Variants in PPP1R13B observed in about 807,000 individuals in gnomAD.
PPP1R13B encodes protein phosphatase 1 regulatory subunit 13B.
In PPP1R13B, 44 loss-of-function variants were observed where a neutral mutation model predicts 119.8. The observed-to-expected ratio is 0.37, with a 90% confidence interval of 0.29 to 0.47. PPP1R13B has a LOEUF of 0.47. PPP1R13B is among the 20% of genes least tolerant of loss of function. PPP1R13B has a pLI of 0.99. For synonymous variants in PPP1R13B, 542 were observed against 561.5 expected, an observed-to-expected ratio of 0.97 and a Z score of 0.49; for missense variants, 1,227 against 1,413.5, an observed-to-expected ratio of 0.87 and a Z score of 2.12.
intron 2 of PPP1R13B, among the ~76,000 whole-genome samples, chr14:103,795,226 C>T (rs1165586398): frequency 6.6e-6 from 1 of 152,184 alleles, no homozygotes; most frequent in Non-Finnish European, 1.5e-5. Flanking sequence ...GCAAGAGCCA[C>T]CGTGCCCGAC....
At chr14:103,739,603 G>C (rs2084200390) in intron 12 of PPP1R13B, among the ~76,000 whole-genome samples, 1 of 152,232 alleles carries the variant, frequency 6.6e-6, no homozygotes, top group Non-Finnish European at 1.5e-5. Flanking sequence ...GTCTGGGAAA[G>C]GCTTGGCCAC....
chr14:103,749,744 T>C (rs772043161), intron 8 of PPP1R13B, 50 bp downstream of exon 8: 13 of 1,580,666 alleles, frequency 8.2e-6, no homozygotes, highest in Non-Finnish European at 8.6e-7. Context: ...TGGGCAATGC[T>C]TGGATAAACT....
intron 2 of PPP1R13B, among the ~76,000 whole-genome samples, chr14:103,797,008 G>A (rs2085774310): frequency 7.1e-6 from 1 of 140,942 alleles, no homozygotes; most frequent in South Asian, 2.2e-4. Context: ...GTTCATAGGA[G>A]CATTATTCAT....
chr14:103,754,208 G>A lies in PPP1R13B; in HGVS notation c.493C>T (p.Arg165Cys), dbSNP rs776014974. 26 of 1,613,532 alleles carry A rather than the reference G, an allele frequency of 1.6e-5. No homozygotes were observed. The highest frequency in any genetic ancestry group is 4.4e-5 in the South Asian group (4 of 90,998). The stretch of plus-strand genomic sequence containing the variant: ...TTTTCAGAAATAGACTGCTGCTGAC[G>A]GCGCTCCTGTTGCTTTAGAAAATGT... ...RLHFLKQQER[R>C]QQQSISENEK... The change falls in exon 6 of 17, where the codon CGT becomes TGT. Residue 165 changes from arginine to cysteine, a missense_variant. By Grantham distance (180) the Arg-to-Cys change is radical (BLOSUM62 -3). Coordinates refer to ENST00000202556, the MANE Select transcript of PPP1R13B (RefSeq NM_015316.3).
chr14:103,777,811 A>C (rs2085242190), intron 4 of PPP1R13B, among the ~76,000 whole-genome samples: 1 of 151,682 alleles, frequency 6.6e-6, no homozygotes, highest in Non-Finnish European at 1.5e-5. Flanking sequence ...AAAAAAAAAA[A>C]AAAAACAGGG....
chr14:103,847,167 C>T (rs1299349489), intron 1 of PPP1R13B, 132 bp downstream of exon 1: 1 of 997,450 alleles, frequency 1.0e-6, no homozygotes, highest in Non-Finnish European at 1.2e-6. Context: ...CGGGCGCGCC[C>T]GCCCAGCCAC....
intron 1 of PPP1R13B, among the ~76,000 whole-genome samples, chr14:103,823,294 G>A (rs575147452): frequency 5.9e-5 from 9 of 151,364 alleles, no homozygotes; most frequent in South Asian, 2.1e-4. Flanking sequence ...AGCTGAGATC[G>A]CGCCACTGCA....
intron 2 of PPP1R13B, among the ~76,000 whole-genome samples, chr14:103,788,247 C>T (rs2085519221): frequency 6.6e-6 from 1 of 152,138 alleles, no homozygotes; most frequent in Admixed American, 6.6e-5. Context: ...ATTTCTTAAA[C>T]TTCCCTAGCT....
intron 16 of PPP1R13B, 59 bp downstream of exon 16, chr14:103,735,944 C>A (rs2084097803): frequency 1.3e-6 from 2 of 1,567,696 alleles, no homozygotes; most frequent in East Asian, 2.3e-5. Context: ...CAGGATAGGA[C>A]CGCATGCTGT....
Position 103,740,100 on chromosome 14 carries a change from G to C in PPP1R13B, c.2316C>G (p.Leu772=). Reference sequence around the variant, plus strand: ...GTGGGGCTGTGGGCTGGGCAGGGGGGAGCTCTTCCAGGTTTCCATTGGCAT... The same window carrying C: ...GTGGGGCTGTGGGCTGGGCAGGGGGCAGCTCTTCCAGGTTTCCATTGGCAT... ...NTNANGNLEE[L]PPAQPTAPLP... The change falls in exon 12 of 17, where the codon CTC becomes CTG. Residue 772 remains leucine, a synonymous_variant. Transcript: ENST00000202556. The surrounding 1 kb of genome is among the most constrained non-coding windows in gnomAD (Gnocchi z 4.6). 1 of 1,613,730 alleles carries C rather than the reference G, an allele frequency of 6.2e-7. No homozygotes were observed. The highest frequency in any genetic ancestry group is 1.1e-5 in the South Asian group (1 of 91,078).
At chr14:103,814,966 GA>G (rs887468529) in intron 1 of PPP1R13B, among the ~76,000 whole-genome samples, 7 of 151,304 alleles carry the variant, frequency 4.6e-5, no homozygotes, top group Admixed American at 2.6e-4. Flanking sequence ...CAAAAGGAAA[GA>G]AAAAAAATAG....
chr14:103,801,888 T>C (rs1034313382), intron 1 of PPP1R13B, among the ~76,000 whole-genome samples: 2 of 152,164 alleles, frequency 1.3e-5, no homozygotes, highest in African/African-American at 4.8e-5. Context: ...CCTGAGCACA[T>C]TTCTATTTTA....
At chr14:103,838,565 T>C (rs754967043) in intron 1 of PPP1R13B, among the ~76,000 whole-genome samples, 2 of 152,182 alleles carry the variant, frequency 1.3e-5, no homozygotes, top group African/African-American at 4.8e-5. Flanking sequence ...ACTGTACACA[T>C]TAAAAGGTGA....
Position 103,831,516 on chromosome 14 carries a change from GGC to G in PPP1R13B, c.9+15781_9+15782del, listed in dbSNP as rs538255194. On this transcript the variant is annotated intron_variant, in intron 1 of 16. Coordinates refer to ENST00000202556, the MANE Select transcript of PPP1R13B (RefSeq NM_015316.3). Reference sequence around the variant, plus strand: ...AGTACCGAGAGGGTTTCCCCATGTTGGCCAGGCTAGTCTCTAACTCCTGACCT... The same window carrying G: ...AGTACCGAGAGGGTTTCCCCATGTTGCAGGCTAGTCTCTAACTCCTGACCT... Among the ~76,000 whole-genome samples, 46 of 150,172 alleles carry G rather than the reference GGC, an allele frequency of 3.1e-4. No individual in the cohort carries two copies. The South Asian group carries it at 9.4e-3, about 31-fold the overall frequency.
intron 1 of PPP1R13B, among the ~76,000 whole-genome samples, chr14:103,844,819 A>C (rs1024598389): frequency 6.6e-6 from 1 of 152,230 alleles, no homozygotes; most frequent in Non-Finnish European, 1.5e-5. Context: ...TATGTTGTCC[A>C]ATATGGTAGT....
At chr14:103,802,147 T>A (rs796992343) in intron 1 of PPP1R13B, among the ~76,000 whole-genome samples, 1 of 152,244 alleles carries the variant, frequency 6.6e-6, no homozygotes, top group African/African-American at 2.4e-5. Context: ...GTTGTAATGG[T>A]AAATATTTTC....
At chr14:103,788,020 G>A (rs990023997) in intron 2 of PPP1R13B, among the ~76,000 whole-genome samples, 1 of 151,978 alleles carries the variant, frequency 6.6e-6, no homozygotes, top group African/African-American at 2.4e-5. Flanking sequence ...GGCTGAGGCA[G>A]GAGGATTGCT....
chr14:103,797,310 A>G lies in PPP1R13B; in HGVS notation c.157+61T>C. The G allele has an allele frequency of 2.5e-5, 37 of 1,481,610 alleles. 1 individual carries two copies. The South Asian group carries it at 5.1e-4, about 21-fold the overall frequency. 91.8% of individuals were successfully genotyped at this position (1,481,610 alleles called of 1,614,324 possible). A position where few individuals can be genotyped will look rare whatever the true frequency, so the allele number is the denominator to read the frequency against. ...AAAAAAGCAAATCCAGCACAAGCTT[A>G]GCTAAAAGATGGTGATTTGATTTTA... On this transcript the variant is annotated intron_variant, in intron 2 of 16. Transcript: ENST00000202556.
intron 2 of PPP1R13B, among the ~76,000 whole-genome samples, chr14:103,791,232 C>T (rs1277510036): frequency 6.6e-6 from 1 of 152,042 alleles, no homozygotes; most frequent in Non-Finnish European, 1.5e-5. Flanking sequence ...AGGGATCCTC[C>T]TGCCTCAGCC....
Sources: allele counts gnomAD v4.1 joint callset (sites outside exome capture counted in the v4.1 genomes callset), GRCh38; gene constraint gnomAD v4.1.1; non-coding constraint Gnocchi (gnomAD v3.1); transcripts MANE v1.5; gene names NCBI Gene and HGNC (gene_info 2026-07-23, HGNC 2026-07-21).